Variants in ANOS1 observed in about 807,000 individuals in gnomAD.
ANOS1 encodes anosmin 1, also known as anosmin-1.
ANOS1 carries 6 observed loss-of-function variants against 59.0 expected under a neutral mutation model. The observed-to-expected ratio is 0.10, with a 90% CI of 0.06 to 0.20. ANOS1 has a LOEUF of 0.20. ANOS1 is among the 10% of genes least tolerant of loss of function. The pLI, the probability that ANOS1 is intolerant of heterozygous loss-of-function variation, is 1.00. For missense variants in ANOS1, 433 were observed against 542.3 expected (o/e 0.80, Z 2.00); for synonymous variants, 217 against 223.4 (o/e 0.97, Z 0.25).
chrX:8,731,725 C>A, intron 1 of ANOS1, 105 bp downstream of exon 1: 1 of 1,113,094 alleles, frequency 9.0e-7, no homozygotes, highest in Non-Finnish European at 1.2e-6. Flanking sequence ...CAGCCGGCGG[C>A]GCTGGCCGAG....
At chrX:8,666,445 CA>C (rs377675281) in intron 2 of ANOS1, among the ~76,000 whole-genome samples, 49 of 111,346 alleles carry the variant, frequency 4.4e-4, no homozygotes, top group African/African-American at 1.6e-3. Flanking sequence ...TCATAAATGT[CA>C]TAATAAAAAA....
chrX:8,570,655 G>A lies in ANOS1; in HGVS notation c.906C>T (p.Thr302=), dbSNP rs138608216. ...APANLRLANS[T]VNSDGSVTVT... is the part of the protein sequence containing the mutation. ...CGGTCACACTCCCATCACTGTTGAC[G>A]GTGGAGTTGGCCAGCCGGAGGTTAG... The change falls in exon 7 of 14, where the codon ACC becomes ACT. Residue 302 remains threonine, a synonymous_variant. Coordinates refer to ENST00000262648, the MANE Select transcript of ANOS1 (RefSeq NM_000216.4). 2.0e-4 allele frequency: 238 copies of A among 1,209,837 alleles called. No homozygotes were observed. Among genetic ancestry groups the A allele is most frequent in the Middle Eastern group, 2.3e-4 (1 of 4,304 alleles).
chrX:8,638,730 A>G (rs1408549982), intron 2 of ANOS1, among the ~76,000 whole-genome samples: 1 of 112,067 alleles, frequency 8.9e-6, no homozygotes, highest in Non-Finnish European at 1.9e-5. Context: ...GCATGAAAAT[A>G]AAACTGTAAA....
chrX:8,714,601 C>T (rs1932831411), intron 1 of ANOS1, among the ~76,000 whole-genome samples: 1 of 111,331 alleles, frequency 9.0e-6, no homozygotes, highest in South Asian at 3.8e-4. Context: ...TTGGAATATG[C>T]CTGGTAAGTC....
At chrX:8,572,470 C>G (rs1429147093) in intron 6 of ANOS1, among the ~76,000 whole-genome samples, 1 of 111,873 alleles carries the variant, frequency 8.9e-6, no homozygotes, top group Non-Finnish European at 1.9e-5. Flanking sequence ...GATCTTGTTC[C>G]TTTTCATGGC....
At chrX:8,584,393 G>GA (rs1396135752) in intron 6 of ANOS1, among the ~76,000 whole-genome samples, 20 of 107,953 alleles carry the variant, frequency 1.9e-4, no homozygotes, top group African/African-American at 6.1e-4. Context: ...TCCCTGAGGA[G>GA]AAAAAAAAAG....
At chrX:8,564,765 C>T (rs1181406079) in intron 8 of ANOS1, among the ~76,000 whole-genome samples, 1 of 110,912 alleles carries the variant, frequency 9.0e-6, no homozygotes, top group Non-Finnish European at 1.9e-5. Context: ...TATGGGGAAC[C>T]GCATGGCTTA....
At chrX:8,623,750 G>C in intron 2 of ANOS1, 80 bp from the exon 3 acceptor site, 1 of 798,527 alleles carries the variant, frequency 1.3e-6, no homozygotes, top group Non-Finnish European at 1.8e-6. Context: ...ACCTGTGATT[G>C]TTGCTTTTTC....
chrX:8,728,427 T>C (rs1932939079), intron 1 of ANOS1, among the ~76,000 whole-genome samples: 1 of 111,733 alleles, frequency 8.9e-6, no homozygotes, highest in African/African-American at 3.3e-5. Flanking sequence ...GGCAGGTGCT[T>C]CTCTCCCCCA....
At chrX:8,600,651 T>C (rs972884147) in intron 3 of ANOS1, among the ~76,000 whole-genome samples, 3 of 112,458 alleles carry the variant, frequency 2.7e-5, no homozygotes, top group East Asian at 5.6e-4. Context: ...TCTCTTACTC[T>C]ATTTCACAGT....
At chrX:8,705,316 A>T (rs1932774595) in intron 1 of ANOS1, among the ~76,000 whole-genome samples, 1 of 112,109 alleles carries the variant, frequency 8.9e-6, no homozygotes, top group Admixed American at 9.5e-5. Context: ...GAAATTTTAT[A>T]TGCATGCACA....
At chrX:8,578,665 A>G (rs1930371474) in intron 6 of ANOS1, among the ~76,000 whole-genome samples, 1 of 112,161 alleles carries the variant, frequency 8.9e-6, no homozygotes. Flanking sequence ...ATGGATGAAG[A>G]ACTTGGAATT....
chrX:8,645,036 A>G (rs988568888), intron 2 of ANOS1, among the ~76,000 whole-genome samples: 5 of 112,696 alleles, frequency 4.4e-5, no homozygotes, highest in African/African-American at 1.6e-4. Context: ...TGGCAGAATA[A>G]ACCTCTACAT....
chrX:8,701,908 G>A (rs1184033647), intron 1 of ANOS1, among the ~76,000 whole-genome samples: 1 of 111,466 alleles, frequency 9.0e-6, no homozygotes, highest in Non-Finnish European at 1.9e-5. Flanking sequence ...AAAGATCTCG[G>A]TCCCATATGA....
intron 2 of ANOS1, among the ~76,000 whole-genome samples, chrX:8,685,600 GAAA>G (rs780844512): frequency 0.11 from 5,132 of 46,757 alleles, 207 homozygotes; most frequent in East Asian, 0.19. Flanking sequence ...AAGAAAGGAA[GAAA>G]GAAAGAAAGA....
At chrX:8,685,532 AAG>A (rs1223409609) in intron 2 of ANOS1, among the ~76,000 whole-genome samples, 1 of 103,413 alleles carries the variant, frequency 9.7e-6, no homozygotes, top group Non-Finnish European at 2.0e-5. Flanking sequence ...AAGAGAGAGA[AAG>A]AGAGGAGAAG....
At chrX:8,626,624 C>G (rs1390044301) in intron 2 of ANOS1, among the ~76,000 whole-genome samples, 1 of 111,037 alleles carries the variant, frequency 9.0e-6, no homozygotes, top group Non-Finnish European at 1.9e-5. Flanking sequence ...CTTTGGAAGG[C>G]CGAGGCAGGC....
chrX:8,563,167 A>G (rs1930058880), intron 8 of ANOS1, among the ~76,000 whole-genome samples: 1 of 112,304 alleles, frequency 8.9e-6, no homozygotes, highest in African/African-American at 3.2e-5. Context: ...TACTATAGGT[A>G]CTTTGCACTA....
At chrX:8,594,086 C>T (rs182872470) in intron 4 of ANOS1, among the ~76,000 whole-genome samples, 1 of 111,373 alleles carries the variant, frequency 9.0e-6, no homozygotes, top group Non-Finnish European at 1.9e-5. Context: ...ATTTCTGCTA[C>T]CTACTACCAA....
Sources: gnomAD v4.1 joint callset for allele counts (sites outside exome capture counted in the v4.1 genomes callset) on GRCh38, gnomAD v4.1.1 for gene constraint, MANE v1.5 for transcripts, NCBI Gene and HGNC (gene_info 2026-07-23, HGNC 2026-07-21) for gene names.